The following LINGO2 variants were observed in gnomAD, a reference collection of about 807,000 sequenced individuals.
LINGO2 encodes the protein leucine-rich repeat and immunoglobulin-like domain-containing nogo receptor-interacting protein 2.
In LINGO2, 14 loss-of-function variants were observed where a neutral mutation model predicts 30.6. The observed-to-expected ratio is 0.46, with a 90% CI of 0.30 to 0.72. LINGO2 has a LOEUF of 0.72. Among genes scored for constraint, LINGO2 ranks in the 30% least tolerant of loss-of-function variants. The pLI is 0.07. For synonymous variants in LINGO2, 317 were observed against 288.5 expected (o/e 1.10, Z -1.00); for missense variants, 729 against 751.7 (o/e 0.97, Z 0.35).
the LINGO2 span, among the ~76,000 whole-genome samples, chr9:28,732,483 C>G: frequency 6.6e-6 from 1 of 151,812 alleles, no homozygotes; most frequent in Non-Finnish European, 1.5e-5. Flanking sequence ...TATTTTTACC[C>G]CTTGAATATG....
intron 2 of LINGO2, among the ~76,000 whole-genome samples, chr9:28,425,372 C>T (rs1412928437): frequency 2.7e-5 from 4 of 149,968 alleles, no homozygotes; most frequent in Non-Finnish European, 5.9e-5. Flanking sequence ...CATATATTGG[C>T]TCAATTATCC....
rs187339097 is a variant in LINGO2, at chr9:28,129,160, T to C, written c.-86-116755A>G. On this transcript the variant is annotated intron_variant, in intron 4 of 5. Transcript: ENST00000379992. The surrounding 1 kb of genome is among the most constrained non-coding windows in gnomAD (Gnocchi z 4.0). ...TGTCAACTTCCCTACTTTTGAGGCTTTGGGACTCGGGCTGATCTACCACTG... is the reference window on the plus strand; with the variant it reads ...TGTCAACTTCCCTACTTTTGAGGCTCTGGGACTCGGGCTGATCTACCACTG... Among the ~76,000 whole-genome samples, 6 of 152,280 alleles carry C rather than the reference T, an allele frequency of 3.9e-5. No homozygotes were observed. In the East Asian group the frequency reaches 1.2e-3, roughly 29 times the overall value.
At chr9:28,847,795 T>C in the LINGO2 span, among the ~76,000 whole-genome samples, 1 of 98,224 alleles carries the variant, frequency 1.0e-5, no homozygotes, top group African/African-American at 4.0e-5. Context: ...TATACACATA[T>C]ATGTATAGTA....
rs1177185893 is a variant in LINGO2 at position 28,048,081 on chromosome 9, A to T, written c.-86-35676T>A. On this transcript the variant is annotated intron_variant, in intron 4 of 5. Coordinates refer to ENST00000379992, the Ensembl canonical transcript of LINGO2. ...TAAAACTGCATGTACTGGCAGAAAC[A>T]CAAAGCCACCTCAGTGAGAAGGGGT... 2.0e-5 allele frequency among the ~76,000 whole-genome samples: 3 copies of T among 151,068 alleles called. No individual in the cohort carries two copies. The South Asian group carries it at 6.3e-4, about 32-fold the overall frequency.
the LINGO2 span, among the ~76,000 whole-genome samples, chr9:29,140,983 G>T: frequency 6.6e-6 from 1 of 151,894 alleles, no homozygotes; most frequent in South Asian, 2.1e-4. Flanking sequence ...AAAACATAGG[G>T]GAATGTCTCT....
the LINGO2 span, among the ~76,000 whole-genome samples, chr9:28,745,385 G>A: frequency 6.6e-6 from 1 of 152,028 alleles, no homozygotes; most frequent in African/African-American, 2.4e-5. Context: ...GGTGGCAGAT[G>A]TCTCATAATA....
At chr9:28,744,609 C>CGTGTGTGT in the LINGO2 span, among the ~76,000 whole-genome samples, 1,246 of 133,976 alleles carry the variant, frequency 9.3e-3, 18 homozygotes, top group African/African-American at 0.014. Flanking sequence ...ATATTCCCCT[C>CGTGTGTGT]GTGTGTGTGT....
chr9:27,950,067 C>G, exon 6 of LINGO2: 1 of 1,614,068 alleles, frequency 6.2e-7, no homozygotes, highest in East Asian at 2.2e-5. Flanking sequence ...GCTGATGAGG[C>G]TGCGGAGGTG....
intron 4 of LINGO2, among the ~76,000 whole-genome samples, chr9:28,038,385 C>T (rs578041991): frequency 1.4e-4 from 22 of 152,274 alleles, no homozygotes; most frequent in Non-Finnish European, 3.1e-4. Flanking sequence ...TGCTCATATT[C>T]ATAAATTTTA....
At chr9:28,437,237 C>G (rs1280494769) in intron 2 of LINGO2, among the ~76,000 whole-genome samples, 2 of 152,130 alleles carry the variant, frequency 1.3e-5, no homozygotes, top group Non-Finnish European at 2.9e-5. Context: ...CTTTCTTTGT[C>G]CTAGAGCTGG....
chr9:28,641,955 G>T (rs1395830320), intron 1 of LINGO2, among the ~76,000 whole-genome samples: 11 of 151,622 alleles, frequency 7.3e-5, no homozygotes, highest in Admixed American at 6.6e-4. Flanking sequence ...GGAAGGTTTA[G>T]TCCTTACAAG....
chr9:28,080,620 C>A (rs1825747261), intron 4 of LINGO2: 1 of 152,150 alleles, frequency 6.6e-6, no homozygotes, highest in African/African-American at 2.4e-5. Context: ...TTGTTTGTTT[C>A]TTTATTGACT....
the LINGO2 span, among the ~76,000 whole-genome samples, chr9:29,067,676 T>C: frequency 6.7e-6 from 1 of 149,792 alleles, no homozygotes; most frequent in African/African-American, 2.4e-5. Flanking sequence ...ACAATCATAG[T>C]CAAATAATTC....
the LINGO2 span, among the ~76,000 whole-genome samples, chr9:29,077,304 A>C: frequency 1.3e-5 from 2 of 152,208 alleles, no homozygotes; most frequent in African/African-American, 4.8e-5. Flanking sequence ...GGAAAGAAAC[A>C]AATATGATCT....
chr9:28,555,403 T>C (rs1822600935), intron 1 of LINGO2, among the ~76,000 whole-genome samples: 1 of 150,592 alleles, frequency 6.6e-6, no homozygotes, highest in African/African-American at 2.5e-5. Context: ...CTAGAAGAAA[T>C]GGATAAATTC....
chr9:28,231,011 A>G (rs1821335791), intron 4 of LINGO2, among the ~76,000 whole-genome samples: 2 of 151,972 alleles, frequency 1.3e-5, no homozygotes, highest in African/African-American at 2.4e-5. Flanking sequence ...ACCACTATTT[A>G]TTCAGCACAC....
chr9:29,084,353 G>A, the LINGO2 span, among the ~76,000 whole-genome samples: 1 of 152,050 alleles, frequency 6.6e-6, no homozygotes, highest in African/African-American at 2.4e-5. Context: ...TCCCATGACT[G>A]TCTTGAACAG....
chr9:28,992,790 G>A, the LINGO2 span, among the ~76,000 whole-genome samples: 1 of 152,040 alleles, frequency 6.6e-6, no homozygotes, highest in Non-Finnish European at 1.5e-5. Context: ...AATGAAGGCA[G>A]AAATAAAGAT....
intron 1 of LINGO2, among the ~76,000 whole-genome samples, chr9:28,638,396 A>G (rs1247438948): frequency 6.6e-6 from 1 of 152,272 alleles, no homozygotes; most frequent in Admixed American, 6.5e-5. Flanking sequence ...AAGGAATGGT[A>G]CCAGCTCCTC....
Sources: gnomAD v4.1 joint callset for allele counts (sites outside exome capture counted in the v4.1 genomes callset) on GRCh38, gnomAD v4.1.1 for gene constraint, Gnocchi (gnomAD v3.1) non-coding constraint, MANE v1.5 for transcripts, NCBI Gene and HGNC (gene_info 2026-07-23, HGNC 2026-07-21) for gene names.